The following NELL1 variants were observed in gnomAD, a reference collection of about 807,000 sequenced individuals.
The protein encoded by NELL1 is neural EGFL like 1.
Under a neutral mutation model 107.4 loss-of-function variants are expected in NELL1, and 76 were observed. The ratio of observed to expected loss-of-function variants is 0.71; its 90% CI spans 0.59 to 0.86. The LOEUF (loss-of-function observed/expected upper bound fraction) is 0.86. NELL1 is among the 40% of genes least tolerant of loss of function. The probability of loss-of-function intolerance (pLI) is 0.00; values close to 1 mark genes in which losing one functional copy is unlikely to be tolerated. For missense variants in NELL1, 1,024 were observed against 1,005.5 expected (o/e 1.02, Z -0.25); for synonymous variants, 353 against 341.2 (o/e 1.03, Z -0.38).
intron 5 of NELL1, among the ~76,000 whole-genome samples, chr11:20,890,371 A>G (rs1299745349): frequency 2.6e-5 from 4 of 152,178 alleles, no homozygotes; most frequent in Admixed American, 6.5e-5. Context: ...AGCAGCCTCA[A>G]AGACTGAAAC....
At position 21,183,844 on chromosome 11, in the gene NELL1, T is replaced by C. The variant is rs1160546473; in HGVS notation, c.1427-45488T>C. On this transcript the variant is annotated intron_variant, in intron 13 of 19. Coordinates refer to ENST00000357134, the MANE Select transcript of NELL1 (RefSeq NM_006157.5). ...ACAGGGTTAGAAAATGAGTCACATC[T>C]CTGAACAAGTGAGATTGAGGGAGGG... Among the ~76,000 whole-genome samples the C allele has an allele frequency of 3.3e-5, 5 of 151,816 alleles. 1 individual carries two copies. Among genetic ancestry groups the C allele is most frequent in the Admixed American group, 3.3e-4 (5 of 15,258 alleles).
intron 14 of NELL1, among the ~76,000 whole-genome samples, chr11:21,335,256 A>AT (rs1850365488): frequency 1.3e-5 from 2 of 152,090 alleles, no homozygotes; most frequent in African/African-American, 2.4e-5. Context: ...ATTTCTAAAT[A>AT]TTTTTTGCAG....
chr11:21,324,529 A>G (rs907691988), intron 14 of NELL1, among the ~76,000 whole-genome samples: 4 of 152,042 alleles, frequency 2.6e-5, no homozygotes, highest in Non-Finnish European at 5.9e-5. Flanking sequence ...TCCTAAAGAA[A>G]CCCTAGTGGC....
intron 12 of NELL1, among the ~76,000 whole-genome samples, chr11:21,003,829 C>T (rs2134277185): frequency 2.0e-5 from 3 of 152,014 alleles, no homozygotes; most frequent in Middle Eastern, 3.4e-3. Flanking sequence ...TTACCTTTTG[C>T]ATTATCCATA....
intron 15 of NELL1, among the ~76,000 whole-genome samples, chr11:21,431,839 C>T (rs1475558697): frequency 6.6e-6 from 1 of 152,076 alleles, no homozygotes; most frequent in African/African-American, 2.4e-5. Flanking sequence ...AGCTGTTTCT[C>T]AACAGGAGTA....
At chr11:21,359,652 TA>T (rs1205012744) in intron 14 of NELL1, among the ~76,000 whole-genome samples, 1 of 152,174 alleles carries the variant, frequency 6.6e-6, no homozygotes, top group African/African-American at 2.4e-5. Context: ...TTGGCAATTT[TA>T]AAATTACTGT....
intron 12 of NELL1, among the ~76,000 whole-genome samples, chr11:20,998,029 A>G (rs1445883698): frequency 1.3e-5 from 2 of 152,212 alleles, no homozygotes; most frequent in African/African-American, 4.8e-5. Context: ...CTTTGTACCT[A>G]TGGACAAGCC....
At chr11:21,093,477 G>A (rs966103253) in intron 12 of NELL1, among the ~76,000 whole-genome samples, 2 of 152,106 alleles carry the variant, frequency 1.3e-5, no homozygotes, top group Admixed American at 6.5e-5. Context: ...TGCCAGGTTC[G>A]TCAGGCCTTT....
At chr11:20,780,437 A>G (rs1271023243) in intron 2 of NELL1, among the ~76,000 whole-genome samples, 2 of 152,242 alleles carry the variant, frequency 1.3e-5, no homozygotes, top group African/African-American at 4.8e-5. Context: ...TAAATGGAAA[A>G]TACATTAATT....
At chr11:20,861,870 C>T (rs1848985546) in intron 4 of NELL1, among the ~76,000 whole-genome samples, 2 of 152,150 alleles carry the variant, frequency 1.3e-5, no homozygotes, top group Non-Finnish European at 2.9e-5. Context: ...TTCTAAGTCT[C>T]AATCATAAGA....
intron 3 of NELL1, among the ~76,000 whole-genome samples, chr11:20,815,160 G>A (rs1832462383): frequency 6.6e-6 from 1 of 152,134 alleles, no homozygotes; most frequent in South Asian, 2.1e-4. Flanking sequence ...CACCTCCCGG[G>A]TTCAAGTGAT....
At chr11:21,077,592 A>C (rs932276994) in intron 12 of NELL1, among the ~76,000 whole-genome samples, 5 of 151,914 alleles carry the variant, frequency 3.3e-5, no homozygotes, top group African/African-American at 1.2e-4. Flanking sequence ...AAAATACAAA[A>C]ATTACCCTGG....
At chr11:21,210,777 G>T (rs192551766) in intron 13 of NELL1, among the ~76,000 whole-genome samples, 22 of 152,094 alleles carry the variant, frequency 1.4e-4, no homozygotes, top group African/African-American at 5.3e-4. Context: ...AAATAAATGG[G>T]GATATCAACA....
intron 12 of NELL1, among the ~76,000 whole-genome samples, chr11:20,995,533 G>A (rs1162607881): frequency 2.0e-5 from 3 of 151,834 alleles, no homozygotes; most frequent in African/African-American, 4.8e-5. Context: ...AGCAGAGATC[G>A]CACCACTGCA....
At chr11:21,114,431 G>A (rs1855183323) in intron 13 of NELL1, among the ~76,000 whole-genome samples, 1 of 151,946 alleles carries the variant, frequency 6.6e-6, no homozygotes, top group South Asian at 2.1e-4. Context: ...AGGGTCCCTT[G>A]AACCCAAGAT....
intron 12 of NELL1, among the ~76,000 whole-genome samples, chr11:21,064,431 G>A (rs1012828280): frequency 9.2e-5 from 14 of 152,098 alleles, no homozygotes; most frequent in African/African-American, 3.1e-4. Context: ...GTGACAGTCG[G>A]TCAGGTTTTG....
chr11:20,832,669 G>T (rs1373661874), intron 3 of NELL1, among the ~76,000 whole-genome samples: 1 of 152,140 alleles, frequency 6.6e-6, no homozygotes, highest in East Asian at 1.9e-4. Context: ...GAAAATAAAA[G>T]TTTCTTATCA....
chr11:21,268,378 T>C (rs1848675364), intron 14 of NELL1, among the ~76,000 whole-genome samples: 1 of 152,140 alleles, frequency 6.6e-6, no homozygotes, highest in Non-Finnish European at 1.5e-5. Flanking sequence ...GCCAGAGCAT[T>C]CTGTTCTTAA....
intron 15 of NELL1, among the ~76,000 whole-genome samples, chr11:21,474,252 T>G (rs1295084201): frequency 6.6e-6 from 1 of 152,052 alleles, no homozygotes. Context: ...ATTTTCTGAT[T>G]GGGGAATTCA....
Sources: allele counts gnomAD v4.1 joint callset (sites outside exome capture counted in the v4.1 genomes callset), GRCh38; gene constraint gnomAD v4.1.1; transcripts MANE v1.5; gene names NCBI Gene and HGNC (gene_info 2026-07-23, HGNC 2026-07-21).